Variants in RIT2 observed in about 807,000 individuals in gnomAD.
RIT2 encodes GTP-binding protein Rit2.
Under a neutral mutation model 23.7 loss-of-function variants are expected in RIT2, and 24 were observed. That is an observed-to-expected ratio of 1.01 (90% CI 0.73 to 1.43). The LOEUF (loss-of-function observed/expected upper bound fraction) is 1.43. RIT2 is among the 40% of genes most tolerant of loss of function. RIT2 has a pLI of 0.00. For missense variants in RIT2, 236 were observed against 266.9 expected, an observed-to-expected ratio of 0.88 and a Z score of 0.81; for synonymous variants, 107 against 91.1, an observed-to-expected ratio of 1.17 and a Z score of -0.99.
intron 3 of RIT2, among the ~76,000 whole-genome samples, chr18:42,947,425 T>C (rs1024684606): frequency 2.0e-5 from 3 of 152,122 alleles, no homozygotes; most frequent in African/African-American, 7.2e-5. Flanking sequence ...TGCCCATGGC[T>C]GAACACATTA....
chr18:42,853,118 G>A (rs1185327467), intron 4 of RIT2, among the ~76,000 whole-genome samples: 1 of 152,168 alleles, frequency 6.6e-6, no homozygotes, highest in Non-Finnish European at 1.5e-5. Flanking sequence ...ACAGGCATGA[G>A]CCACCATGCC....
At chr18:42,895,903 T>TC (rs1418049856) in intron 4 of RIT2, among the ~76,000 whole-genome samples, 1 of 152,188 alleles carries the variant, frequency 6.6e-6, no homozygotes, top group Non-Finnish European at 1.5e-5. Flanking sequence ...ACAGTGGTTT[T>TC]CTCTGGGATA....
intron 4 of RIT2, among the ~76,000 whole-genome samples, chr18:42,904,327 T>G (rs1039205148): frequency 1.3e-5 from 2 of 152,056 alleles, no homozygotes; most frequent in Non-Finnish European, 1.5e-5. Context: ...ACACTATGGG[T>G]AGCAATGAGT....
chr18:42,984,674 T>C (rs761877326), intron 2 of RIT2, among the ~76,000 whole-genome samples: 33 of 152,092 alleles, frequency 2.2e-4, no homozygotes, highest in Non-Finnish European at 2.9e-5. Flanking sequence ...ATTATAATTA[T>C]CTAAAACTAA....
intron 2 of RIT2, among the ~76,000 whole-genome samples, chr18:42,986,044 T>TC (rs1227999107): frequency 7.0e-6 from 1 of 142,642 alleles, no homozygotes; most frequent in African/African-American, 2.5e-5. Flanking sequence ...TTTCTTTTCT[T>TC]TTTTTTTTTT....
intron 1 of RIT2, among the ~76,000 whole-genome samples, chr18:43,059,589 T>G (rs1428496015): frequency 6.6e-6 from 1 of 152,144 alleles, no homozygotes; most frequent in African/African-American, 2.4e-5. Flanking sequence ...TCATCTTGCA[T>G]ACCAAAGTTC....
intron 4 of RIT2, among the ~76,000 whole-genome samples, chr18:42,889,043 CT>C (rs1225318336): frequency 2.6e-5 from 4 of 151,876 alleles, no homozygotes; most frequent in Non-Finnish European, 5.9e-5. Flanking sequence ...ATGTGCCCCC[CT>C]GTTTCTAAAT....
At chr18:42,841,772 T>C (rs183217998) in intron 4 of RIT2, among the ~76,000 whole-genome samples, 92 of 152,310 alleles carry the variant, frequency 6.0e-4, no homozygotes, top group Admixed American at 6.0e-3. Flanking sequence ...TATGCTTCCA[T>C]GATTGTACAA....
chr18:43,100,595 T>C (rs1913660680), intron 1 of RIT2, among the ~76,000 whole-genome samples: 1 of 151,994 alleles, frequency 6.6e-6, no homozygotes, highest in Non-Finnish European at 1.5e-5. Context: ...AAAAAGAGGA[T>C]GGTAAGTTAG....
intron 2 of RIT2, among the ~76,000 whole-genome samples, chr18:42,978,681 A>G (rs747211042): frequency 2.6e-5 from 4 of 152,132 alleles, no homozygotes; most frequent in Non-Finnish European, 4.4e-5. Flanking sequence ...TCTTGGAGGC[A>G]TCCACTACCT....
At chr18:43,007,368 C>T (rs1911251572) in intron 2 of RIT2, among the ~76,000 whole-genome samples, 1 of 151,644 alleles carries the variant, frequency 6.6e-6, no homozygotes, top group Non-Finnish European at 1.5e-5. Context: ...TAACTTTCAG[C>T]CATCACATTT....
At chr18:42,995,199 T>G (rs1910951815) in intron 2 of RIT2, among the ~76,000 whole-genome samples, 1 of 152,182 alleles carries the variant, frequency 6.6e-6, no homozygotes, top group South Asian at 2.1e-4. Context: ...CTTTCCATCT[T>G]GGAAATCTAT....
At chr18:42,893,432 A>G (rs1908236895) in intron 4 of RIT2, among the ~76,000 whole-genome samples, 1 of 152,086 alleles carries the variant, frequency 6.6e-6, no homozygotes, top group South Asian at 2.1e-4. Flanking sequence ...TGTGTCCTCA[A>G]AAGGCAGAAG....
chr18:42,794,052 C>A (rs767063632), intron 4 of RIT2, among the ~76,000 whole-genome samples: 2 of 152,046 alleles, frequency 1.3e-5, no homozygotes, highest in African/African-American at 4.8e-5. Context: ...CTCCCAAGTT[C>A]ACTATTTAAC....
intron 1 of RIT2, among the ~76,000 whole-genome samples, chr18:43,092,171 T>C (rs898922557): frequency 6.6e-6 from 1 of 152,068 alleles, no homozygotes; most frequent in African/African-American, 2.4e-5. Flanking sequence ...AGTGATTCTT[T>C]AGATTGTAGA....
intron 4 of RIT2, among the ~76,000 whole-genome samples, chr18:42,837,153 C>CTTTTCTTTT (rs1568008832): frequency 2.5e-4 from 13 of 51,694 alleles, no homozygotes; most frequent in Non-Finnish European, 4.7e-4. Flanking sequence ...TTTTCTTTTT[C>CTTTTCTTTT]TTTTTTTTTT....
chr18:42,976,967 G>A (rs960444113), intron 2 of RIT2, among the ~76,000 whole-genome samples: 2 of 152,062 alleles, frequency 1.3e-5, no homozygotes, highest in African/African-American at 4.8e-5. Flanking sequence ...ACAAGAAGGA[G>A]GAAGGTAGAA....
intron 3 of RIT2, among the ~76,000 whole-genome samples, chr18:42,951,866 A>G (rs564873447): frequency 6.2e-4 from 95 of 152,252 alleles, no homozygotes; most frequent in African/African-American, 2.3e-3. Flanking sequence ...AGACTAGGTA[A>G]TTTATAAAGG....
chr18:43,009,873 T>C (rs1911312080), intron 2 of RIT2, among the ~76,000 whole-genome samples: 2 of 151,712 alleles, frequency 1.3e-5, no homozygotes, highest in African/African-American at 2.4e-5. Context: ...ATTTTCAAAT[T>C]AGTCACGTGA....
Sources: allele counts gnomAD v4.1 joint callset (sites outside exome capture counted in the v4.1 genomes callset), GRCh38; gene constraint gnomAD v4.1.1; transcripts MANE v1.5; gene names NCBI Gene and HGNC (gene_info 2026-07-23, HGNC 2026-07-21).